The following PRRC1 variants were observed in gnomAD, a reference collection of about 807,000 sequenced individuals.
The protein encoded by PRRC1 is protein PRRC1.
A neutral mutation model predicts 40.7 loss-of-function variants in PRRC1; 39 were observed. That is an observed-to-expected ratio of 0.96 (90% CI 0.74 to 1.25). The LOEUF (loss-of-function observed/expected upper bound fraction) is 1.25. PRRC1 is among the 50% of genes most tolerant of loss of function. The probability of loss-of-function intolerance (pLI) is 0.00; values close to 1 mark genes in which losing one functional copy is unlikely to be tolerated. For synonymous variants in PRRC1, 175 were observed against 193.3 expected (o/e 0.91, Z 0.79); for missense variants, 573 against 548.3 (o/e 1.05, Z -0.45).
intron 2 of PRRC1, 82 bp downstream of exon 2, chr5:127,523,664 G>T (rs1039844668): frequency 2.8e-6 from 2 of 714,532 alleles, no homozygotes; most frequent in South Asian, 3.0e-5. Context: ...ATTAAGAAAA[G>T]AATGCATATA....
chr5:127,553,731 C>A lies in PRRC1; in HGVS notation c.*1815C>A. ...TTCTTTGATTTTTATTTTACCAAGTCACAAATGTCTTTTTGATGTTTTGAG... is the reference window on the plus strand; with the variant it reads ...TTCTTTGATTTTTATTTTACCAAGTAACAAATGTCTTTTTGATGTTTTGAG... On this transcript the variant is annotated 3_prime_UTR_variant, in exon 9 of 9. Transcript: ENST00000296666. 1.3e-6 allele frequency: 2 copies of A among 1,510,118 alleles called. No homozygotes were observed. Among genetic ancestry groups the A allele is most frequent in the South Asian group, 2.5e-5 (2 of 79,088 alleles). The allele number at this position is 1,510,118 out of a possible 1,614,324, so 93.5% of individuals were successfully genotyped here.
chr5:127,546,468 A>C (rs963071315), intron 7 of PRRC1, among the ~76,000 whole-genome samples: 1 of 152,088 alleles, frequency 6.6e-6, no homozygotes, highest in African/African-American at 2.4e-5. Flanking sequence ...ATCTTTGAAA[A>C]CCATTGTTTA....
At position 127,552,516 on chromosome 5, in the gene PRRC1, A is replaced by G; in HGVS notation, c.*600A>G. On this transcript the variant is annotated 3_prime_UTR_variant, in exon 9 of 9. Transcript: ENST00000296666. ...TTTCCTTTTTGGCCATCACGTACAC[A>G]TGTAATCTGGAAAATCATACCTTTG... 2.0e-6 allele frequency: 2 copies of G among 986,040 alleles called. No homozygotes were observed. Among genetic ancestry groups the G allele is most frequent in the Non-Finnish European group, 2.4e-6 (2 of 830,008 alleles). 61.1% of individuals were successfully genotyped at this position (986,040 alleles called of 1,614,324 possible).
chr5:127,533,323 C>T (rs921707916), intron 5 of PRRC1, among the ~76,000 whole-genome samples: 16 of 151,960 alleles, frequency 1.1e-4, no homozygotes, highest in African/African-American at 2.7e-4. Context: ...TTTAATTTTC[C>T]GTGGAGTATA....
Position 127,552,666 on chromosome 5 carries a change from G to A in PRRC1, c.*750G>A. The A allele has an allele frequency of 1.0e-6, 1 of 980,016 alleles. No individual in the cohort carries two copies. The highest frequency in any genetic ancestry group is 4.7e-5 in the South Asian group (1 of 21,156). 60.7% of individuals were successfully genotyped at this position (980,016 alleles called of 1,614,324 possible). A position where few individuals can be genotyped will look rare whatever the true frequency, so the allele number is the denominator to read the frequency against. On this transcript the variant is annotated 3_prime_UTR_variant, in exon 9 of 9. Coordinates refer to ENST00000296666, the MANE Select transcript of PRRC1 (RefSeq NM_130809.5). ...AATGATTCAAGTATATTTTAAATCA[G>A]AAGTATTCAAATTATTTTTGTATAA...
intron 3 of PRRC1, among the ~76,000 whole-genome samples, chr5:127,525,644 G>A (rs1018679865): frequency 2.0e-5 from 3 of 152,108 alleles, no homozygotes; most frequent in Non-Finnish European, 4.4e-5. Context: ...CACTTTCTCT[G>A]CATTAATGTT....
intron 6 of PRRC1, among the ~76,000 whole-genome samples, chr5:127,538,304 A>G (rs1767951171): frequency 6.6e-6 from 1 of 152,064 alleles, no homozygotes; most frequent in African/African-American, 2.4e-5. Flanking sequence ...TGCTGTCCTT[A>G]TAAAAATTAT....
At chr5:127,522,369 A>T (rs1223161010) in intron 1 of PRRC1, among the ~76,000 whole-genome samples, 1 of 152,180 alleles carries the variant, frequency 6.6e-6, no homozygotes, top group African/African-American at 2.4e-5. Flanking sequence ...TTGTGAATTA[A>T]TGCTTTTATC....
chr5:127,542,624 T>A (rs1483379200), intron 7 of PRRC1, among the ~76,000 whole-genome samples: 2 of 151,290 alleles, frequency 1.3e-5, no homozygotes, highest in Non-Finnish European at 2.9e-5. Flanking sequence ...TTTACCATTA[T>A]GTAATGGCCT....
In PRRC1 at chr5:127,534,292, C is replaced by A. The variant is rs188802944; in HGVS notation, c.921+506C>A. 3.9e-3 allele frequency among the ~76,000 whole-genome samples: 600 copies of A among 152,110 alleles called. 1 individual carries two copies. Among genetic ancestry groups the A allele is most frequent in the Non-Finnish European group, 5.6e-3 (383 of 67,994 alleles). On this transcript the variant is annotated intron_variant, in intron 6 of 8. Transcript: ENST00000296666. The stretch of plus-strand genomic sequence containing the variant: ...TCACCTTGAAAAAAAAAGAAAAAAC[C>A]AAAGGAAACCCCAACAAATTCTTTG...
At chr5:127,535,497 G>A (rs1767875805) in intron 6 of PRRC1, among the ~76,000 whole-genome samples, 1 of 152,174 alleles carries the variant, frequency 6.6e-6, no homozygotes, top group Admixed American at 6.5e-5. Context: ...AGCTAGGAGT[G>A]TATGCATCAG....
At chr5:127,531,381 A>G (rs1767765865) in intron 5 of PRRC1, among the ~76,000 whole-genome samples, 1 of 152,192 alleles carries the variant, frequency 6.6e-6, no homozygotes, top group African/African-American at 2.4e-5. Flanking sequence ...TCAAGCATTA[A>G]ATCAACTGAG....
Position 127,553,739 on chromosome 5 carries a change from T to G in PRRC1, c.*1823T>G, listed in dbSNP as rs2127123737. 1 of 1,515,684 alleles carries G rather than the reference T, an allele frequency of 6.6e-7. No homozygotes were observed. The highest frequency in any genetic ancestry group is 1.7e-4 in the Middle Eastern group (1 of 5,914). The allele number at this position is 1,515,684 out of a possible 1,614,324, so 93.9% of individuals were successfully genotyped here. On this transcript the variant is annotated 3_prime_UTR_variant, in exon 9 of 9. Transcript: ENST00000296666. ...TTTTTATTTTACCAAGTCACAAATG[T>G]CTTTTTGATGTTTTGAGAATTGTTC...
At chr5:127,549,619 T>C (rs1768318945) in intron 8 of PRRC1, 1 of 152,178 alleles carries the variant, frequency 6.6e-6, no homozygotes, top group African/African-American at 2.4e-5. Context: ...GAAAACGTTA[T>C]AATTATGAGG....
chr5:127,537,153 A>G (rs1055806971), intron 6 of PRRC1, among the ~76,000 whole-genome samples: 1 of 151,904 alleles, frequency 6.6e-6, no homozygotes, highest in Non-Finnish European at 1.5e-5. Context: ...ATAGTTTTAT[A>G]TTCAACAAAT....
In PRRC1 at chr5:127,524,515, C is replaced by G. The variant is rs1198377591; in HGVS notation, c.104-16C>G. On this transcript the variant is annotated splice_polypyrimidine_tract_variant and intron_variant, in intron 2 of 8. Coordinates refer to ENST00000296666, the MANE Select transcript of PRRC1 (RefSeq NM_130809.5). Reference sequence around the variant, plus strand: ...ATTTCTAATTCTGTGCTTTTATCCTCTCCACTTTTTTCTAGCGGCAACCAG... The same window carrying G: ...ATTTCTAATTCTGTGCTTTTATCCTGTCCACTTTTTTCTAGCGGCAACCAG... The G allele has an allele frequency of 6.3e-7, 1 of 1,584,316 alleles. No individual in the cohort carries two copies. Among genetic ancestry groups the G allele is most frequent in the South Asian group, 1.1e-5 (1 of 87,994 alleles).
In PRRC1 at chr5:127,524,578, T is replaced by C; in HGVS notation, c.151T>C (p.Phe51Leu). 2 of 1,614,082 alleles carry C rather than the reference T, an allele frequency of 1.2e-6. No individual in the cohort carries two copies. Among genetic ancestry groups the C allele is most frequent in the Non-Finnish European group, 1.7e-6 (2 of 1,179,956 alleles). Residue 51 changes from phenylalanine to leucine, a missense_variant, in exon 3 of 9, where the codon TTC (phenylalanine) becomes CTC (leucine). Transcript: ENST00000296666. The part of the protein sequence containing the change: ...SSPNVSSMES[F>L]PPLAYSTPQP... ...TCCAAATGTATCCTCCATGGAGTCCTTCCCACCACTCGCATACTCTACTCC... is the reference window on the plus strand; with the variant it reads ...TCCAAATGTATCCTCCATGGAGTCCCTCCCACCACTCGCATACTCTACTCC...
At chr5:127,533,885 C>T (rs1767835230) in intron 6 of PRRC1, 99 bp downstream of exon 6, 1 of 1,262,996 alleles carries the variant, frequency 7.9e-7, no homozygotes, top group Non-Finnish European at 1.1e-6. Flanking sequence ...TAGACTTTTA[C>T]ATACTGAAAT....
rs1767532159 is a variant in PRRC1 at position 127,523,889 on chromosome 5, T to A, written c.103+307T>A. 3 of 210,346 alleles carry A rather than the reference T, an allele frequency of 1.4e-5. No homozygotes were observed. In the South Asian group the frequency reaches 3.5e-4, roughly 24 times the overall value. 13.0% of individuals were successfully genotyped at this position (210,346 alleles called of 1,614,324 possible). A position where few individuals can be genotyped will look rare whatever the true frequency, so the allele number is the denominator to read the frequency against. On this transcript the variant is annotated intron_variant, in intron 2 of 8. Transcript: ENST00000296666. ...GCTTTGTCTTCTGTTCTTTTTCTTTTTTTTGAGACGGAGTTTCACTTGTCA... is the reference window on the plus strand; with the variant it reads ...GCTTTGTCTTCTGTTCTTTTTCTTTATTTTGAGACGGAGTTTCACTTGTCA...
Sources: gnomAD v4.1 joint callset for allele counts (sites outside exome capture counted in the v4.1 genomes callset) on GRCh38, gnomAD v4.1.1 for gene constraint, MANE v1.5 for transcripts, NCBI Gene and HGNC (gene_info 2026-07-23, HGNC 2026-07-21) for gene names.